CNTNAP5: variants seen among roughly 807,000 people sequenced by gnomAD.
The protein encoded by CNTNAP5 is contactin associated protein family member 5.
CNTNAP5 carries 72 observed loss-of-function variants against 150.2 expected under a neutral mutation model. The observed-to-expected ratio is 0.48, with a 90% CI of 0.40 to 0.58. The LOEUF (loss-of-function observed/expected upper bound fraction) is 0.58, where lower values mean the gene tolerates loss of function less well. Among genes scored for constraint, CNTNAP5 ranks in the 20% least tolerant of loss-of-function variants. CNTNAP5 has a pLI of 0.00. For synonymous variants in CNTNAP5, 672 were observed against 619.8 expected (o/e 1.08, Z -1.25); for missense variants, 1,636 against 1,626.2 (o/e 1.01, Z -0.10).
Position 124,453,775 on chromosome 2 carries a change from C to A in CNTNAP5, c.918+6838C>A, listed in dbSNP as rs1693046936. Among the ~76,000 whole-genome samples the A allele has an allele frequency of 5.9e-5, 9 of 152,086 alleles. No individual in the cohort carries two copies. In the South Asian group the frequency reaches 6.2e-4, roughly 11 times the overall value. On this transcript the variant is annotated intron_variant, in intron 6 of 23. Coordinates refer to ENST00000682447, the MANE Select transcript of CNTNAP5 (RefSeq NM_001367498.1). ...TTATCAGCCAAGAATTTTTACCCAG[C>A]AAAACTAAGCTTCATAAATGAAGGA...
At chr2:124,258,883 T>A (rs754105909) in intron 3 of CNTNAP5, among the ~76,000 whole-genome samples, 35 of 151,928 alleles carry the variant, frequency 2.3e-4, no homozygotes, top group Non-Finnish European at 4.4e-4. Context: ...TTACTTTAAG[T>A]TTTAGGGTAC....
intron 5 of CNTNAP5, 147 bp from the exon 6 acceptor site, chr2:124,446,605 TC>T: frequency 1.5e-6 from 1 of 689,190 alleles, no homozygotes. Flanking sequence ...TGTTATTCCT[TC>T]CCAGGTCCAG....
chr2:124,068,949 T>A (rs1682232945), intron 1 of CNTNAP5, among the ~76,000 whole-genome samples: 1 of 152,006 alleles, frequency 6.6e-6, no homozygotes, highest in African/African-American at 2.4e-5. Flanking sequence ...ACCCAGGTAG[T>A]ATACCATGGG....
intron 1 of CNTNAP5, among the ~76,000 whole-genome samples, chr2:124,119,958 T>G (rs1683522467): frequency 6.6e-6 from 1 of 152,136 alleles, no homozygotes. Flanking sequence ...CTTGAGGACC[T>G]AAAAAGTGCT....
chr2:124,732,388 G>C (rs1680290107), intron 13 of CNTNAP5, among the ~76,000 whole-genome samples: 1 of 152,126 alleles, frequency 6.6e-6, no homozygotes, highest in African/African-American at 2.4e-5. Context: ...GTAATCACCA[G>C]TGTGATGGCA....
chr2:124,216,748 C>T lies in CNTNAP5; in HGVS notation c.83-4957C>T, dbSNP rs185573604. Among the ~76,000 whole-genome samples the T allele has an allele frequency of 5.8e-4, 88 of 152,262 alleles. 1 individual carries two copies. The highest frequency in any genetic ancestry group is 2.0e-3 in the African/African-American group (83 of 41,548). ...CATTTTTTATGGCTGCATAGTATTCCATGGTGTATATGTGCCACATTTTCT... is the reference window on the plus strand; with the variant it reads ...CATTTTTTATGGCTGCATAGTATTCTATGGTGTATATGTGCCACATTTTCT... On this transcript the variant is annotated intron_variant, in intron 1 of 23. Transcript: ENST00000682447.
chr2:124,892,812 C>G (rs1014366699), intron 21 of CNTNAP5, among the ~76,000 whole-genome samples: 3 of 152,126 alleles, frequency 2.0e-5, no homozygotes, highest in Admixed American at 6.6e-5. Flanking sequence ...TTCCAAAATG[C>G]CTCCTATACA....
chr2:124,338,666 T>A (rs1055207201), intron 3 of CNTNAP5, among the ~76,000 whole-genome samples: 4 of 152,114 alleles, frequency 2.6e-5, no homozygotes, highest in Non-Finnish European at 5.9e-5. Flanking sequence ...TAGAAAAAAT[T>A]TCCTCAGTCA....
At chr2:124,713,335 CTTTCTTTCTTTCTTTCT>C (rs1345805981) in intron 13 of CNTNAP5, among the ~76,000 whole-genome samples, 2 of 103,808 alleles carry the variant, frequency 1.9e-5, no homozygotes, top group African/African-American at 7.8e-5. Flanking sequence ...TTCTTTCTTT[CTTTCTTTCTTTCTTTCT>C]TTCTTTCTTT....
chr2:124,297,810 T>TTTTTTTATTA (rs769649857), intron 3 of CNTNAP5, among the ~76,000 whole-genome samples: 11 of 126,390 alleles, frequency 8.7e-5, no homozygotes, highest in Non-Finnish European at 1.5e-4. Context: ...CATCCAATTA[T>TTTTTTTATTA]TTATTATTAT....
intron 1 of CNTNAP5, among the ~76,000 whole-genome samples, chr2:124,098,200 G>T (rs948779365): frequency 2.6e-5 from 4 of 152,106 alleles, no homozygotes; most frequent in Admixed American, 2.0e-4. Flanking sequence ...AATAAAGAAG[G>T]TTACAGTAAA....
At chr2:124,403,069 A>G (rs185917459) in intron 3 of CNTNAP5, among the ~76,000 whole-genome samples, 6 of 152,268 alleles carry the variant, frequency 3.9e-5, no homozygotes, top group Admixed American at 2.0e-4. Context: ...AGAAAAGAAA[A>G]CCAATCATTT....
intron 13 of CNTNAP5, among the ~76,000 whole-genome samples, chr2:124,684,598 A>C (rs1573546233): frequency 6.6e-6 from 1 of 152,154 alleles, no homozygotes; most frequent in East Asian, 1.9e-4. Context: ...GACTGTTTGA[A>C]AGCTGTGTGA....
intron 8 of CNTNAP5, among the ~76,000 whole-genome samples, chr2:124,520,090 GT>G (rs1321217326): frequency 3.3e-5 from 5 of 152,144 alleles, no homozygotes; most frequent in Admixed American, 2.0e-4. Flanking sequence ...TTATTGCAGT[GT>G]TTTTTGTGGT....
chr2:124,674,511 C>CTT (rs1491067329), intron 13 of CNTNAP5, among the ~76,000 whole-genome samples: 1 of 83,798 alleles, frequency 1.2e-5, no homozygotes, highest in Non-Finnish European at 2.6e-5. Flanking sequence ...CTTTCTTTCT[C>CTT]TTTCTTTCTT....
intron 17 of CNTNAP5, 56 bp from the exon 18 acceptor site, chr2:124,789,845 TA>T: frequency 6.5e-7 from 1 of 1,535,648 alleles, no homozygotes; most frequent in Non-Finnish European, 8.9e-7. Flanking sequence ...ACATTAAACC[TA>T]AATGTATTGA....
chr2:124,291,542 C>A (rs1340706470), intron 3 of CNTNAP5, among the ~76,000 whole-genome samples: 2 of 151,044 alleles, frequency 1.3e-5, no homozygotes, highest in East Asian at 3.9e-4. Flanking sequence ...ATATTTTCTT[C>A]TGTTTTTTTT....
intron 13 of CNTNAP5, among the ~76,000 whole-genome samples, chr2:124,707,131 AGAAGAAGAG>A (rs753688059): frequency 0.053 from 5,437 of 102,656 alleles, 396 homozygotes; most frequent in Non-Finnish European, 0.082. Flanking sequence ...AGAAAGAAGA[AGAAGAAGAG>A]GAAGAAGAAG....
chr2:124,460,594 A>T (rs1217998783), intron 6 of CNTNAP5, among the ~76,000 whole-genome samples: 3 of 152,212 alleles, frequency 2.0e-5, no homozygotes, highest in African/African-American at 7.2e-5. Context: ...TTTGCCTGAC[A>T]TATAAAATAT....
Sources: allele counts gnomAD v4.1 joint callset (sites outside exome capture counted in the v4.1 genomes callset), GRCh38; gene constraint gnomAD v4.1.1; transcripts MANE v1.5; gene names NCBI Gene and HGNC (gene_info 2026-07-23, HGNC 2026-07-21).